Variants in HORMAD2 observed in about 807,000 individuals in gnomAD.
The protein encoded by HORMAD2 is HORMA domain containing 2.
HORMAD2 carries 45 observed loss-of-function variants against 38.8 expected under a neutral mutation model. The observed-to-expected ratio is 1.16, with a 90% CI of 0.91 to 1.49. HORMAD2 has a LOEUF of 1.49. Ranked by LOEUF, HORMAD2 falls within the 40% of genes most tolerant of loss-of-function variation. The pLI is 0.00. For missense variants in HORMAD2, 338 were observed against 367.0 expected (o/e 0.92, Z 0.65); for synonymous variants, 126 against 122.8 (o/e 1.03, Z -0.17).
intron 10 of HORMAD2, among the ~76,000 whole-genome samples, chr22:30,133,369 C>T (rs1442054596): frequency 1.3e-5 from 2 of 151,680 alleles, no homozygotes; most frequent in Non-Finnish European, 2.9e-5. Flanking sequence ...TTCAGAAGAC[C>T]AGTCCTTCTG....
the HORMAD2 span, among the ~76,000 whole-genome samples, chr22:30,185,929 T>C: frequency 1.3e-5 from 2 of 151,926 alleles, no homozygotes; most frequent in South Asian, 4.1e-4. Flanking sequence ...GTCATAATAC[T>C]AAGAGAAAAG....
chr22:30,157,884 A>C (rs1015407692), intron 10 of HORMAD2, among the ~76,000 whole-genome samples: 3 of 152,166 alleles, frequency 2.0e-5, no homozygotes, highest in African/African-American at 7.2e-5. Context: ...TAGCAATCAC[A>C]TTTTCACCAA....
the HORMAD2 span, among the ~76,000 whole-genome samples, chr22:30,192,917 C>G: frequency 6.6e-6 from 1 of 152,120 alleles, no homozygotes; most frequent in Non-Finnish European, 1.5e-5. Flanking sequence ...TTTCATTTTT[C>G]CATCTTCATT....
intron 3 of HORMAD2, among the ~76,000 whole-genome samples, chr22:30,102,548 A>G (rs1920956790): frequency 6.6e-6 from 1 of 152,230 alleles, no homozygotes; most frequent in South Asian, 2.1e-4. Context: ...GTATAGGAAA[A>G]CAATACGAAA....
intron 10 of HORMAD2, among the ~76,000 whole-genome samples, chr22:30,148,723 C>T (rs1413445535): frequency 1.3e-5 from 2 of 151,942 alleles, no homozygotes; most frequent in African/African-American, 4.8e-5. Flanking sequence ...ATTAGACAGG[C>T]GCCAGGCACG....
chr22:30,197,242 T>A, the HORMAD2 span, among the ~76,000 whole-genome samples: 2 of 151,050 alleles, frequency 1.3e-5, no homozygotes, highest in East Asian at 3.9e-4. Context: ...GGACCTAGGT[T>A]TTTTTTTTAA....
chr22:30,114,945 T>C (rs1391484808), intron 7 of HORMAD2, among the ~76,000 whole-genome samples: 5 of 152,166 alleles, frequency 3.3e-5, no homozygotes, highest in Non-Finnish European at 5.9e-5. Context: ...AGGAACACAC[T>C]ACAAAATGAG....
In HORMAD2 at chr22:30,105,165, G is replaced by A. The variant is rs1315339264; in HGVS notation, c.294+728G>A. Reference sequence around the variant, plus strand: ...AGCTCCTCCTACTTCCTCTTGGTGCGGATGTGTGTTCCCACCTTTTTCTTG... The same window carrying A: ...AGCTCCTCCTACTTCCTCTTGGTGCAGATGTGTGTTCCCACCTTTTTCTTG... On this transcript the variant is annotated intron_variant, in intron 5 of 10. Transcript: ENST00000336726. 4.2e-5 allele frequency: 7 copies of A among 165,174 alleles called. No individual in the cohort carries two copies. The South Asian group carries it at 1.1e-3, about 27-fold the overall frequency. The allele number at this position is 165,174 out of a possible 1,614,324, so 10.2% of individuals were successfully genotyped here. A position where few individuals can be genotyped will look rare whatever the true frequency, so the allele number is the denominator to read the frequency against.
intron 4 of HORMAD2, among the ~76,000 whole-genome samples, chr22:30,103,957 C>A (rs112566082): frequency 6.7e-6 from 1 of 150,096 alleles, no homozygotes; most frequent in African/African-American, 2.5e-5. Flanking sequence ...ACTGCCCTGA[C>A]CTACTTTCCC....
intron 10 of HORMAD2, among the ~76,000 whole-genome samples, chr22:30,124,197 T>C (rs7288928): frequency 0.029 from 4,356 of 151,674 alleles, 106 homozygotes; most frequent in South Asian, 0.036. Flanking sequence ...TCTAGTAAAG[T>C]GGTTACTGTC....
chr22:30,133,512 G>A (rs963673058), intron 10 of HORMAD2, among the ~76,000 whole-genome samples: 2 of 149,826 alleles, frequency 1.3e-5, no homozygotes, highest in African/African-American at 2.4e-5. Context: ...TAAGTTCTGG[G>A]ATACATGTGC....
At chr22:30,091,841 C>T (rs2068692945) in intron 1 of HORMAD2, among the ~76,000 whole-genome samples, 1 of 151,802 alleles carries the variant, frequency 6.6e-6, no homozygotes, top group African/African-American at 2.4e-5. Flanking sequence ...TGCATCCTTG[C>T]CAGCATTCGT....
chr22:30,121,905 A>G, intron 9 of HORMAD2, 59 bp from the exon 10 acceptor site: 1 of 1,563,798 alleles, frequency 6.4e-7, no homozygotes, highest in Admixed American at 1.9e-5. Flanking sequence ...TGAAAGATTA[A>G]TCGGATTTGT....
chr22:30,148,945 C>T (rs1023946584), intron 10 of HORMAD2, among the ~76,000 whole-genome samples: 2 of 152,094 alleles, frequency 1.3e-5, no homozygotes, highest in African/African-American at 4.8e-5. Context: ...TGCCACTGCA[C>T]TCCAGCCTGG....
chr22:30,195,836 A>G, the HORMAD2 span, among the ~76,000 whole-genome samples: 4 of 152,198 alleles, frequency 2.6e-5, no homozygotes, highest in Non-Finnish European at 5.9e-5. Context: ...AAAGGCTCAC[A>G]TTGGCTTTGG....
At chr22:30,107,706 T>C (rs1215355978) in intron 5 of HORMAD2, among the ~76,000 whole-genome samples, 2 of 151,274 alleles carry the variant, frequency 1.3e-5, no homozygotes, top group Non-Finnish European at 2.9e-5. Flanking sequence ...GCTGAGACCA[T>C]GCCACTGCAC....
chr22:30,199,550 C>T, the HORMAD2 span, among the ~76,000 whole-genome samples: 1 of 152,198 alleles, frequency 6.6e-6, no homozygotes, highest in East Asian at 1.9e-4. Context: ...TCACTCTGAG[C>T]TTGCTTCTGG....
In HORMAD2 at chr22:30,098,967, G is replaced by GAA. The variant is rs1920926871; in HGVS notation, c.167_168insAA (p.Ser56ArgfsTer14). ...TACCTAAGGGGCCTGTTTCCAGAGA[G>GAA]CTCTTATGGAGAACGCCATTTGGAT... On this transcript the variant is annotated frameshift_variant, in exon 3 of 11. Coordinates refer to ENST00000336726, the MANE Select transcript of HORMAD2 (RefSeq NM_152510.4). LOFTEE classifies it high-confidence loss of function. 6.2e-7 allele frequency: 1 copy of GAA among 1,611,252 alleles called. No homozygotes were observed. Among genetic ancestry groups the GAA allele is most frequent in the African/African-American group, 1.3e-5 (1 of 74,794 alleles).
chr22:30,097,246 G>A (rs572218442), intron 2 of HORMAD2, among the ~76,000 whole-genome samples: 68 of 152,166 alleles, frequency 4.5e-4, no homozygotes, highest in Non-Finnish European at 8.2e-4. Flanking sequence ...TTGAGATACC[G>A]GCACAACCCA....
Sources: allele counts gnomAD v4.1 joint callset (sites outside exome capture counted in the v4.1 genomes callset), GRCh38; gene constraint gnomAD v4.1.1; transcripts MANE v1.5; gene names NCBI Gene and HGNC (gene_info 2026-07-23, HGNC 2026-07-21).